MCC: variants seen among roughly 807,000 people sequenced by gnomAD.
The protein encoded by MCC is colorectal mutant cancer protein.
In MCC, 90 loss-of-function variants were observed where a neutral mutation model predicts 116.2. The ratio of observed to expected loss-of-function variants is 0.77; its 90% confidence interval spans 0.65 to 0.92. The LOEUF is 0.92. Among genes scored for constraint, MCC ranks in the 40% least tolerant of loss-of-function variants. The probability of loss-of-function intolerance (pLI) is 0.00; values close to 1 mark genes in which losing one functional copy is unlikely to be tolerated. For missense variants in MCC, 1,516 were observed against 1,312.2 expected, an observed-to-expected ratio of 1.16 and a Z score of -2.40; for synonymous variants, 578 against 510.5, an observed-to-expected ratio of 1.13 and a Z score of -1.78.
intron 3 of MCC, among the ~76,000 whole-genome samples, chr5:113,262,995 C>T (rs1168286017): frequency 6.6e-6 from 1 of 151,820 alleles, no homozygotes; most frequent in Admixed American, 6.5e-5. Flanking sequence ...AATCCTGACA[C>T]ATTTTTCAAA....
intron 1 of MCC, among the ~76,000 whole-genome samples, chr5:113,395,022 GA>G (rs891041814): frequency 8.5e-5 from 13 of 152,272 alleles, no homozygotes; most frequent in East Asian, 1.9e-4. Flanking sequence ...ACCCTTTACA[GA>G]AAAAGTTTGC....
At chr5:113,328,797 G>A (rs1210525613) in intron 3 of MCC, among the ~76,000 whole-genome samples, 1 of 152,136 alleles carries the variant, frequency 6.6e-6, no homozygotes, top group Non-Finnish European at 1.5e-5. Flanking sequence ...TTATGTCCCA[G>A]GCTATCCCCA....
At chr5:113,085,775 T>C (rs893011919) in intron 8 of MCC, among the ~76,000 whole-genome samples, 3 of 152,170 alleles carry the variant, frequency 2.0e-5, no homozygotes, top group African/African-American at 7.2e-5. Flanking sequence ...CACTGCAGCC[T>C]TAATCTCCTG....
intron 3 of MCC, among the ~76,000 whole-genome samples, chr5:113,194,807 T>C (rs1762319220): frequency 6.6e-6 from 1 of 152,350 alleles, no homozygotes; most frequent in Middle Eastern, 3.4e-3. Context: ...CATCTATATA[T>C]AGTCATTCCT....
chr5:113,166,639 C>G (rs541953948), intron 3 of MCC, among the ~76,000 whole-genome samples: 3 of 145,012 alleles, frequency 2.1e-5, no homozygotes, highest in African/African-American at 7.7e-5. Context: ...GATGGATAAA[C>G]AGGACTATAA....
At chr5:113,122,545 C>A (rs140306137) in intron 6 of MCC, 139 bp downstream of exon 6, 1 of 894,496 alleles carries the variant, frequency 1.1e-6, no homozygotes. Flanking sequence ...GTGTAAGGGA[C>A]TGAAATACAT....
intron 6 of MCC, among the ~76,000 whole-genome samples, chr5:113,105,405 G>A (rs1295951332): frequency 6.6e-6 from 1 of 152,222 alleles, no homozygotes; most frequent in Non-Finnish European, 1.5e-5. Context: ...GAATGTTTTA[G>A]TCAACCTCAT....
chr5:113,477,823 C>A (rs1772274618), intron 1 of MCC, among the ~76,000 whole-genome samples: 1 of 152,112 alleles, frequency 6.6e-6, no homozygotes, highest in African/African-American at 2.4e-5. Flanking sequence ...CTGCAAGCCA[C>A]AACAAAGTAT....
Position 113,471,857 on chromosome 5 carries a change from T to A in MCC, c.170+16388A>T, listed in dbSNP as rs377001182. On this transcript the variant is annotated intron_variant, in intron 1 of 18. Transcript: ENST00000408903. Reference sequence around the variant, plus strand: ...TTTCCTAATCAAACAACTAACTCAGTAATGGCGGGCGCCCCTCCCCCAGCC... The same window carrying A: ...TTTCCTAATCAAACAACTAACTCAGAAATGGCGGGCGCCCCTCCCCCAGCC... 3.9e-5 allele frequency among the ~76,000 whole-genome samples: 6 copies of A among 151,950 alleles called. No individual in the cohort carries two copies. In the East Asian group the frequency reaches 9.7e-4, roughly 25 times the overall value.
At chr5:113,244,568 C>T (rs959411703) in intron 3 of MCC, among the ~76,000 whole-genome samples, 6 of 152,160 alleles carry the variant, frequency 3.9e-5, no homozygotes, top group Admixed American at 2.6e-4. Flanking sequence ...CATTTGGTTA[C>T]TAGGAGTCTC....
chr5:113,172,902 A>T (rs1761146324), intron 3 of MCC, among the ~76,000 whole-genome samples: 1 of 152,138 alleles, frequency 6.6e-6, no homozygotes, highest in Non-Finnish European at 1.5e-5. Flanking sequence ...TTTGATTCCA[A>T]AATAGTCTTC....
At chr5:113,378,740 T>C (rs1317177052) in intron 2 of MCC, among the ~76,000 whole-genome samples, 2 of 152,176 alleles carry the variant, frequency 1.3e-5, no homozygotes, top group Non-Finnish European at 2.9e-5. Context: ...ATAATTCACA[T>C]GTTTGACACA....
At chr5:113,358,814 C>A (rs1451938325) in intron 2 of MCC, among the ~76,000 whole-genome samples, 1 of 152,152 alleles carries the variant, frequency 6.6e-6, no homozygotes, top group African/African-American at 2.4e-5. Flanking sequence ...TCGCTTAGTC[C>A]ACAACAGAAT....
chr5:113,385,294 A>T, intron 1 of MCC, 82 bp from the exon 2 acceptor site: 1 of 1,379,176 alleles, frequency 7.3e-7, no homozygotes, highest in Admixed American at 2.1e-5. Context: ...AAAAAAAGGT[A>T]TTTCTTAAAT....
At chr5:113,304,748 T>C (rs1766942899) in intron 3 of MCC, among the ~76,000 whole-genome samples, 2 of 152,158 alleles carry the variant, frequency 1.3e-5, no homozygotes, top group Non-Finnish European at 2.9e-5. Flanking sequence ...GATTAGAGAT[T>C]TGGAAATCCA....
At chr5:113,484,864 C>CA (rs1288510037) in intron 1 of MCC, among the ~76,000 whole-genome samples, 7 of 152,104 alleles carry the variant, frequency 4.6e-5, no homozygotes, top group South Asian at 2.1e-4. Flanking sequence ...ATGCAGGGTC[C>CA]AAAAAATCCA....
At chr5:113,171,722 AGGTGGTTACCGG>A (rs1283312396) in intron 3 of MCC, among the ~76,000 whole-genome samples, 2 of 152,116 alleles carry the variant, frequency 1.3e-5, no homozygotes, top group Non-Finnish European at 2.9e-5. Flanking sequence ...ATCATTTCAC[AGGTGGTTACCGG>A]GCAGCCTCCA....
chr5:113,029,001 T>C lies in MCC; in HGVS notation c.2812A>G (p.Thr938Ala), dbSNP rs1231187860. Residue 938 changes from threonine (T) to alanine (A), a missense_variant, in exon 18 of 19, where the codon ACC becomes GCC. Transcript: ENST00000408903. ...TGATGTCGGATTTCACTGCTCTTGGTGAGTCTCTCCAAGGCACTCACCAGC... is the reference window on the plus strand; with the variant it reads ...TGATGTCGGATTTCACTGCTCTTGGCGAGTCTCTCCAAGGCACTCACCAGC... ...QELVSALERL[T>A]KSSEIRHQQS... 6.2e-7 allele frequency: 1 copy of C among 1,613,814 alleles called. No homozygotes were observed. Among genetic ancestry groups the C allele is most frequent in the East Asian group, 2.2e-5 (1 of 44,894 alleles).
At chr5:113,248,279 G>A (rs1209685509) in intron 3 of MCC, among the ~76,000 whole-genome samples, 3 of 151,004 alleles carry the variant, frequency 2.0e-5, no homozygotes, top group African/African-American at 7.3e-5. Context: ...AGAAAGGCAG[G>A]AGGGAGCTTT....
Sources: allele counts gnomAD v4.1 joint callset (sites outside exome capture counted in the v4.1 genomes callset), GRCh38; gene constraint gnomAD v4.1.1; transcripts MANE v1.5; gene names NCBI Gene and HGNC (gene_info 2026-07-23, HGNC 2026-07-21).